The following EPHA4 variants were observed in gnomAD, a reference collection of about 807,000 sequenced individuals.
EPHA4 encodes the protein ephrin type-A receptor 4.
In EPHA4, 19 loss-of-function variants were observed where a neutral mutation model predicts 108.3. That is an observed-to-expected ratio of 0.18 (90% CI 0.12 to 0.26). EPHA4 has a LOEUF of 0.26. Among genes scored for constraint, EPHA4 ranks in the 10% least tolerant of loss-of-function variants. The pLI, the probability that EPHA4 is intolerant of heterozygous loss-of-function variation, is 1.00. For synonymous variants in EPHA4, 449 were observed against 455.5 expected, an observed-to-expected ratio of 0.99 and a Z score of 0.18; for missense variants, 917 against 1,254.0, an observed-to-expected ratio of 0.73 and a Z score of 4.06.
At chr2:221,539,296 A>T (rs913971737) in intron 3 of EPHA4, among the ~76,000 whole-genome samples, 3 of 152,222 alleles carry the variant, frequency 2.0e-5, no homozygotes, top group African/African-American at 7.2e-5. Context: ...GTACAGAGAA[A>T]AATTATTAAT....
Position 221,446,161 on chromosome 2 carries a change from G to A in EPHA4, c.1736C>T (p.Ala579Val). 1 of 1,543,818 alleles carries A rather than the reference G, an allele frequency of 6.5e-7. No individual in the cohort carries two copies. The highest frequency in any genetic ancestry group is 8.7e-7 in the Non-Finnish European group (1 of 1,147,572). ...ISRRRSKYSK[A>V]KQEADEEKHL... ...TTTCTCTTCATCCGCTTCTTGTTTG[G>A]CTTTACTGTATTTACTCCGTCTATT... Residue 579 changes from alanine (A) to valine (V), a missense_variant, in exon 9 of 18, where the codon GCC becomes GTC. This residue lies in a region of EPHA4 where 758 missense variants were observed against 1,076.7 expected (regional missense o/e 0.70). Coordinates refer to ENST00000281821, the MANE Select transcript of EPHA4 (RefSeq NM_004438.5).
At chr2:221,488,457 C>T (rs1692041256) in intron 4 of EPHA4, among the ~76,000 whole-genome samples, 1 of 152,154 alleles carries the variant, frequency 6.6e-6, no homozygotes, top group South Asian at 2.1e-4. Context: ...TTGAGTTTCT[C>T]ATTGCTCTGA....
chr2:221,492,805 T>C (rs1442883558), intron 4 of EPHA4, among the ~76,000 whole-genome samples: 1 of 152,212 alleles, frequency 6.6e-6, no homozygotes, highest in African/African-American at 2.4e-5. Context: ...GGACCATATG[T>C]TCTGAACTAA....
At chr2:221,441,550 G>A (rs927661008) in intron 11 of EPHA4, among the ~76,000 whole-genome samples, 2 of 152,036 alleles carry the variant, frequency 1.3e-5, no homozygotes, top group African/African-American at 2.4e-5. Context: ...CTGGACACCA[G>A]ACAGGAACCC....
At chr2:221,510,435 T>G (rs1692792395) in intron 3 of EPHA4, among the ~76,000 whole-genome samples, 1 of 152,228 alleles carries the variant, frequency 6.6e-6, no homozygotes, top group African/African-American at 2.4e-5. Flanking sequence ...CAAGACACAG[T>G]TCTATCCTAT....
At chr2:221,527,187 C>T (rs1251765088) in intron 3 of EPHA4, among the ~76,000 whole-genome samples, 4 of 152,202 alleles carry the variant, frequency 2.6e-5, no homozygotes, top group South Asian at 4.1e-4. Context: ...TAAACTAGAA[C>T]GTTGTGGAAA....
intron 3 of EPHA4, among the ~76,000 whole-genome samples, chr2:221,534,518 C>A (rs1026355109): frequency 6.6e-6 from 1 of 152,178 alleles, no homozygotes; most frequent in African/African-American, 2.4e-5. Flanking sequence ...CCTAAATTGG[C>A]CTTCTTCCCT....
At chr2:221,506,195 T>C (rs568900975) in intron 3 of EPHA4, among the ~76,000 whole-genome samples, 1 of 152,202 alleles carries the variant, frequency 6.6e-6, no homozygotes, top group African/African-American at 2.4e-5. Flanking sequence ...GGATACATAA[T>C]ATATCCAGTA....
intron 3 of EPHA4, among the ~76,000 whole-genome samples, chr2:221,535,926 CA>C (rs1263871576): frequency 6.6e-6 from 1 of 152,148 alleles, no homozygotes; most frequent in East Asian, 1.9e-4. Context: ...CTCTGCTCTT[CA>C]AAAATCTTTC....
At chr2:221,475,995 G>T (rs566398910) in intron 5 of EPHA4, among the ~76,000 whole-genome samples, 38 of 152,262 alleles carry the variant, frequency 2.5e-4, no homozygotes, top group South Asian at 1.7e-3. Context: ...GAAGCAGATG[G>T]ATGCACTTGA....
Position 221,571,379 on chromosome 2 carries a change from T to C in EPHA4, c.91+779A>G, listed in dbSNP as rs1231709407. ...AGGCACATACAATCCTCCCAGCACG[T>C]CCGAACGGATGCACAGAAAACTGAG... On this transcript the variant is annotated intron_variant, in intron 1 of 17. Coordinates refer to ENST00000281821, the MANE Select transcript of EPHA4 (RefSeq NM_004438.5). This position sits in a 1 kb window ranked among gnomAD's most constrained non-coding sequence, Gnocchi z 6.3. Among the ~76,000 whole-genome samples, 1 of 140,596 alleles carries C rather than the reference T, an allele frequency of 7.1e-6. No individual in the cohort carries two copies. Among genetic ancestry groups the C allele is most frequent in the Admixed American group, 7.2e-5 (1 of 13,900 alleles). 92.2% of individuals were successfully genotyped at this position (140,596 alleles called of 152,430 possible). A position where few individuals can be genotyped will look rare whatever the true frequency, so the allele number is the denominator to read the frequency against.
At chr2:221,506,408 A>G (rs1226226417) in intron 3 of EPHA4, among the ~76,000 whole-genome samples, 1 of 152,190 alleles carries the variant, frequency 6.6e-6, no homozygotes. Flanking sequence ...ATCTTTGGGG[A>G]AGGTGTGAAC....
Position 221,474,393 on chromosome 2 carries a change from T to C in EPHA4, c.1318+7959A>G, listed in dbSNP as rs546328603. The stretch of plus-strand genomic sequence containing the variant: ...ATTCTGGAAATGAAATTCTTCTCAG[T>C]ATAAGGTTAGAATCAAGAGACTGTT... On this transcript the variant is annotated intron_variant, in intron 5 of 17. Coordinates refer to ENST00000281821, the MANE Select transcript of EPHA4 (RefSeq NM_004438.5). 6.8e-5 allele frequency among the ~76,000 whole-genome samples: 10 copies of C among 147,630 alleles called. No homozygotes were observed. In the South Asian group the frequency reaches 2.1e-3, roughly 32 times the overall value.
chr2:221,530,659 G>T (rs1211751964), intron 3 of EPHA4, among the ~76,000 whole-genome samples: 1 of 152,182 alleles, frequency 6.6e-6, no homozygotes, highest in Non-Finnish European at 1.5e-5. Flanking sequence ...TCTTAAATCT[G>T]AGGGCTGAGG....
chr2:221,537,412 G>T (rs1262168850), intron 3 of EPHA4, among the ~76,000 whole-genome samples: 1 of 152,214 alleles, frequency 6.6e-6, no homozygotes, highest in East Asian at 1.9e-4. Context: ...TTTATCAATA[G>T]CCTGGTCAGT....
chr2:221,426,626 A>G lies in EPHA4; in HGVS notation c.2691-7T>C, dbSNP rs1192929100. 1 of 1,609,640 alleles carries G rather than the reference A, an allele frequency of 6.2e-7. No individual in the cohort carries two copies. The highest frequency in any genetic ancestry group is 1.3e-5 in the African/African-American group (1 of 74,646). Reference sequence around the variant, plus strand: ...CAACAAGGCAGTGTTAGGTCTAGAAAGAGAACAAGAAAATATAAGCAGAAC... The same window carrying G: ...CAACAAGGCAGTGTTAGGTCTAGAAGGAGAACAAGAAAATATAAGCAGAAC... On this transcript the variant is annotated splice_polypyrimidine_tract_variant and splice_region_variant and intron_variant, in intron 15 of 17. Coordinates refer to ENST00000281821, the MANE Select transcript of EPHA4 (RefSeq NM_004438.5).
chr2:221,477,005 G>A (rs1416761515), intron 5 of EPHA4, among the ~76,000 whole-genome samples: 2 of 151,922 alleles, frequency 1.3e-5, no homozygotes, highest in Non-Finnish European at 1.5e-5. Context: ...ATGACTACAT[G>A]TGGCACAGTG....
At chr2:221,521,781 C>A (rs879480336) in intron 3 of EPHA4, among the ~76,000 whole-genome samples, 4 of 152,086 alleles carry the variant, frequency 2.6e-5, no homozygotes, top group Non-Finnish European at 5.9e-5. Flanking sequence ...TTGAGACCAG[C>A]CTGGCCAACA....
rs1263487492 is a variant in EPHA4, at chr2:221,571,486, G to T, written c.91+672C>A. On this transcript the variant is annotated intron_variant, in intron 1 of 17. Coordinates refer to ENST00000281821, the MANE Select transcript of EPHA4 (RefSeq NM_004438.5). This position sits in a 1 kb window ranked among gnomAD's most constrained non-coding sequence, Gnocchi z 6.3. Reference sequence around the variant, plus strand: ...GGGCGAAAAGCTAAAACTCGACTGCGTTCAACTTGCCGGCGGGTTCCCCAA... The same window carrying T: ...GGGCGAAAAGCTAAAACTCGACTGCTTTCAACTTGCCGGCGGGTTCCCCAA... 6.6e-6 allele frequency among the ~76,000 whole-genome samples: 1 copy of T among 152,234 alleles called. No individual in the cohort carries two copies. Among genetic ancestry groups the T allele is most frequent in the African/African-American group, 2.4e-5 (1 of 41,472 alleles).
Sources: gnomAD v4.1 joint callset for allele counts (sites outside exome capture counted in the v4.1 genomes callset) on GRCh38, gnomAD v4.1.1 for gene constraint, gnomAD v4.1.1 regional missense constraint, Gnocchi (gnomAD v3.1) non-coding constraint, MANE v1.5 for transcripts, NCBI Gene and HGNC (gene_info 2026-07-23, HGNC 2026-07-21) for gene names.